Variants in PSD2 observed in about 807,000 individuals in gnomAD.
PSD2 encodes pleckstrin and Sec7 domain containing 2.
In PSD2, 38 loss-of-function variants were observed where a neutral mutation model predicts 69.8. The ratio of observed to expected loss-of-function variants is 0.54; its 90% CI spans 0.42 to 0.71. PSD2 has a LOEUF of 0.71. Ranked by LOEUF, PSD2 falls within the 30% of genes least tolerant of loss-of-function variation. PSD2 has a pLI of 0.00. For missense variants in PSD2, 943 were observed against 1,014.5 expected, an observed-to-expected ratio of 0.93 and a Z score of 0.96; for synonymous variants, 412 against 423.0, an observed-to-expected ratio of 0.97 and a Z score of 0.32.
At chr5:139,758,449 G>A in the PSD2 span, among the ~76,000 whole-genome samples, 2 of 152,078 alleles carry the variant, frequency 1.3e-5, no homozygotes, top group Admixed American at 6.5e-5. Context: ...CGGACCGTGC[G>A]GGCAGAAAGG....
upstream of PSD2, among the ~76,000 whole-genome samples, chr5:139,790,916 G>A (rs957602580): frequency 6.6e-6 from 1 of 151,884 alleles, no homozygotes. Flanking sequence ...GGTTGGGTGG[G>A]GGGGAGCGCC....
chr5:139,781,911 A>G, the PSD2 span, among the ~76,000 whole-genome samples: 6 of 151,550 alleles, frequency 4.0e-5, no homozygotes, highest in African/African-American at 9.7e-5. Flanking sequence ...TGGGATTACA[A>G]GTGTGAGCCA....
chr5:139,773,767 C>A, the PSD2 span, among the ~76,000 whole-genome samples: 1 of 152,128 alleles, frequency 6.6e-6, no homozygotes, highest in African/African-American at 2.4e-5. Flanking sequence ...GTGAATGATG[C>A]TGTTATGAAT....
Position 139,837,681 on chromosome 5 carries a change from C to T in PSD2, c.1722C>T (p.Arg574=), listed in dbSNP as rs372189501. 69 of 1,614,040 alleles carry T rather than the reference C, an allele frequency of 4.3e-5. No homozygotes were observed. Among genetic ancestry groups the T allele is most frequent in the African/African-American group, 8.0e-5 (6 of 75,026 alleles). ...AGGGTGACCTGAAGAACGCCATTCG[C>T]GTGCATCACGCTCTGGCCACCAGGG... ...LSEGDLKNAI[R]VHHALATRAS... Residue 574 remains arginine, a synonymous_variant, in exon 12 of 15, where the codon CGC becomes CGT. Coordinates refer to ENST00000274710, the MANE Select transcript of PSD2 (RefSeq NM_032289.4). The surrounding 1 kb of genome is among the most constrained non-coding windows in gnomAD (Gnocchi z 5.0).
the PSD2 span, among the ~76,000 whole-genome samples, chr5:139,790,273 G>T: frequency 6.6e-6 from 1 of 152,174 alleles, no homozygotes; most frequent in South Asian, 2.1e-4. Flanking sequence ...GAGGAGGTCA[G>T]TGTGGGTTGG....
intron 7 of PSD2, among the ~76,000 whole-genome samples, chr5:139,829,932 C>G (rs902278098): frequency 1.8e-4 from 27 of 151,592 alleles, no homozygotes; most frequent in African/African-American, 6.3e-4. Flanking sequence ...AGTGGCTGAA[C>G]CATTTTACAT....
Position 139,828,545 on chromosome 5 carries a change from A to C in PSD2, c.1270-5157A>C, listed in dbSNP as rs145640701. 5.1e-3 allele frequency among the ~76,000 whole-genome samples: 773 copies of C among 152,336 alleles called. 6 individuals are homozygous for C. Among genetic ancestry groups the C allele is most frequent in the African/African-American group, 0.017 (723 of 41,554 alleles). ...AGCCTCACACAATAACCTTAAGGGA[A>C]TACCAAGTATAATTAAGGTTTAGCC... On this transcript the variant is annotated intron_variant, in intron 7 of 14. Transcript: ENST00000274710.
intron 1 of PSD2, among the ~76,000 whole-genome samples, chr5:139,799,934 C>T (rs1759627297): frequency 6.6e-6 from 1 of 152,088 alleles, no homozygotes; most frequent in African/African-American, 2.4e-5. Flanking sequence ...GAGGTGTTTT[C>T]CAGGCCAGAG....
chr5:139,837,118 G>C lies in PSD2; in HGVS notation c.1595-50G>C. On this transcript the variant is annotated intron_variant, in intron 10 of 14. Coordinates refer to ENST00000274710, the MANE Select transcript of PSD2 (RefSeq NM_032289.4). The surrounding 1 kb of genome is among the most constrained non-coding windows in gnomAD (Gnocchi z 5.0). ...ACACGTAGTGGGAGGTGGGGTTGGA[G>C]AGACTGCAGAGGGTGGCTGCAGCCA... 1 of 1,607,990 alleles carries C rather than the reference G, an allele frequency of 6.2e-7. No homozygotes were observed. Among genetic ancestry groups the C allele is most frequent in the Non-Finnish European group, 8.5e-7 (1 of 1,175,494 alleles).
chr5:139,805,444 C>T (rs770213499), intron 1 of PSD2, among the ~76,000 whole-genome samples: 1 of 152,232 alleles, frequency 6.6e-6, no homozygotes, highest in Non-Finnish European at 1.5e-5. Flanking sequence ...TGCTGTGTGC[C>T]AAGCATTGCA....
intron 14 of PSD2, among the ~76,000 whole-genome samples, chr5:139,841,918 T>G (rs1310890599): frequency 6.6e-6 from 1 of 152,256 alleles, no homozygotes; most frequent in Non-Finnish European, 1.5e-5. Context: ...ATATATGACT[T>G]GCAAATATTT....
the PSD2 span, among the ~76,000 whole-genome samples, chr5:139,774,127 G>A: frequency 1.0e-4 from 15 of 148,538 alleles, no homozygotes; most frequent in African/African-American, 2.7e-4. Context: ...ACTCGGTCTC[G>A]TTTTTTTTTT....
At chr5:139,772,209 G>A in the PSD2 span, among the ~76,000 whole-genome samples, 54 of 152,254 alleles carry the variant, frequency 3.5e-4, no homozygotes, top group African/African-American at 1.3e-3. Context: ...CAGCACAGGG[G>A]GCATTAGATC....
chr5:139,789,221 G>A, the PSD2 span, among the ~76,000 whole-genome samples: 2 of 152,216 alleles, frequency 1.3e-5, no homozygotes, highest in African/African-American at 4.8e-5. Flanking sequence ...CTGGGCTCAG[G>A]GAGGAGCTGG....
chr5:139,751,772 G>A, the PSD2 span, among the ~76,000 whole-genome samples: 1 of 151,122 alleles, frequency 6.6e-6, no homozygotes, highest in African/African-American at 2.4e-5. Flanking sequence ...TGTTTCCATG[G>A]CATGGCTAGG....
the PSD2 span, among the ~76,000 whole-genome samples, chr5:139,747,746 G>T: frequency 1.3e-5 from 2 of 152,224 alleles, no homozygotes; most frequent in Admixed American, 6.5e-5. This position sits in a 1 kb window ranked among gnomAD's most constrained non-coding sequence, Gnocchi z 6.7. Context: ...CCATCTGCTC[G>T]AGTGGAACGG....
Position 139,843,234 on chromosome 5 carries a change from G to A in PSD2, c.*760G>A, listed in dbSNP as rs1302124622. 2 of 152,266 alleles carry A rather than the reference G, an allele frequency of 1.3e-5. No homozygotes were observed. Among genetic ancestry groups the A allele is most frequent in the South Asian group, 4.1e-4 (2 of 4,832 alleles). 9.4% of individuals were successfully genotyped at this position (152,266 alleles called of 1,614,324 possible). A position where few individuals can be genotyped will look rare whatever the true frequency, so the allele number is the denominator to read the frequency against. Reference sequence around the variant, plus strand: ...ATTTTGGAGCTTCCCCTGTTAGGAAGGATGGCTGCACCTGGCCCCCTGGCA... The same window carrying A: ...ATTTTGGAGCTTCCCCTGTTAGGAAAGATGGCTGCACCTGGCCCCCTGGCA... On this transcript the variant is annotated 3_prime_UTR_variant, in exon 15 of 15. Coordinates refer to ENST00000274710, the MANE Select transcript of PSD2 (RefSeq NM_032289.4).
At chr5:139,804,745 C>T (rs192309540) in intron 1 of PSD2, among the ~76,000 whole-genome samples, 1 of 152,272 alleles carries the variant, frequency 6.6e-6, no homozygotes, top group East Asian at 1.9e-4. Flanking sequence ...CCCTGGATGC[C>T]CGATGATGTA....
In PSD2 at chr5:139,833,808, G is replaced by A. The variant is rs376066487; in HGVS notation, c.1359+17G>A. 7.5e-5 allele frequency: 118 copies of A among 1,578,356 alleles called. No individual in the cohort carries two copies. Among genetic ancestry groups the A allele is most frequent in the Non-Finnish European group, 9.7e-5 (111 of 1,147,580 alleles). On this transcript the variant is annotated intron_variant, in intron 8 of 14. Transcript: ENST00000274710. The stretch of plus-strand genomic sequence containing the variant: ...CTGCTGAAGGTACTGTCTGCTGAGT[G>A]TCCCCATCCCACTAGCTGTGCCCTG...
Sources: allele counts gnomAD v4.1 joint callset (sites outside exome capture counted in the v4.1 genomes callset), GRCh38; gene constraint gnomAD v4.1.1; non-coding constraint Gnocchi (gnomAD v3.1); transcripts MANE v1.5; gene names NCBI Gene and HGNC (gene_info 2026-07-23, HGNC 2026-07-21).